Variants in BNC2 observed in about 807,000 individuals in gnomAD.
BNC2 encodes the protein basonuclin zinc finger protein 2.
A neutral mutation model predicts 76.3 loss-of-function variants in BNC2; 20 were observed. That is an observed-to-expected ratio of 0.26 (90% CI 0.18 to 0.38). BNC2 has a LOEUF of 0.38. BNC2 is among the 10% of genes least tolerant of loss of function. The pLI is 1.00. For missense variants in BNC2, 1,382 were observed against 1,399.8 expected (o/e 0.99, Z 0.20); for synonymous variants, 582 against 514.8 (o/e 1.13, Z -1.77).
intron 5 of BNC2, among the ~76,000 whole-genome samples, chr9:16,543,729 TGGGATTCAAAATCC>T (rs1818392615): frequency 6.6e-6 from 1 of 152,212 alleles, no homozygotes; most frequent in East Asian, 1.9e-4. Context: ...AGCTTTGGCA[TGGGATTCAAAATCC>T]CTGTATTCCA....
intron 5 of BNC2, among the ~76,000 whole-genome samples, chr9:16,454,318 T>A (rs1821402432): frequency 6.7e-6 from 1 of 150,340 alleles, no homozygotes; most frequent in Admixed American, 6.6e-5. Flanking sequence ...TTTTTTAATT[T>A]TAGAGAGAGG....
chr9:16,481,151 T>A (rs147449740), intron 5 of BNC2, among the ~76,000 whole-genome samples: 307 of 152,098 alleles, frequency 2.0e-3, no homozygotes, highest in African/African-American at 7.0e-3. Context: ...TGTATCTAAC[T>A]AATCTGATGG....
At chr9:16,655,506 T>A (rs1177897546) in intron 3 of BNC2, among the ~76,000 whole-genome samples, 2 of 151,898 alleles carry the variant, frequency 1.3e-5, no homozygotes, top group African/African-American at 4.8e-5. Context: ...ATCTGAAAAG[T>A]CTAAAAGGCC....
At chr9:16,459,591 G>C (rs915581368) in intron 5 of BNC2, among the ~76,000 whole-genome samples, 1 of 145,680 alleles carries the variant, frequency 6.9e-6, no homozygotes, top group Non-Finnish European at 1.6e-5. Context: ...TACACGGCAG[G>C]AGAATGGGGA....
At chr9:16,630,660 ATTT>A (rs1821133544) in intron 3 of BNC2, among the ~76,000 whole-genome samples, 1 of 151,738 alleles carries the variant, frequency 6.6e-6, no homozygotes, top group Non-Finnish European at 1.5e-5. Flanking sequence ...GAGAAATTTT[ATTT>A]TTAAGAAATC....
intron 1 of BNC2, among the ~76,000 whole-genome samples, chr9:16,821,918 C>A (rs1319172030): frequency 6.6e-6 from 1 of 151,862 alleles, no homozygotes; most frequent in East Asian, 1.9e-4. Flanking sequence ...ACGGTGAAAC[C>A]CTGTCTCTAC....
chr9:16,469,704 G>A (rs1423588173), intron 5 of BNC2, among the ~76,000 whole-genome samples: 1 of 152,182 alleles, frequency 6.6e-6, no homozygotes, highest in Non-Finnish European at 1.5e-5. Context: ...AGGAAAATGT[G>A]GAAGTTTGGA....
At position 16,835,821 on chromosome 9, in the gene BNC2, A is replaced by AT. The variant is rs1309648707; in HGVS notation, c.3+34824dup. Among the ~76,000 whole-genome samples the AT allele has an allele frequency of 5.3e-5, 8 of 152,326 alleles. No homozygotes were observed. The East Asian group carries it at 1.5e-3, about 29-fold the overall frequency. ...TTAACTCTCTTGCCAAGAAAAACAG[A>AT]TTTAAGTTAAAGAGGTTTTAGAAGA... On this transcript the variant is annotated intron_variant, in intron 1 of 6. Transcript: ENST00000380672.
chr9:16,504,724 A>G (rs1254041599), intron 5 of BNC2, among the ~76,000 whole-genome samples: 1 of 152,198 alleles, frequency 6.6e-6, no homozygotes, highest in Non-Finnish European at 1.5e-5. Context: ...GGACATGCCT[A>G]TAGTCCCAGC....
intron 1 of BNC2, among the ~76,000 whole-genome samples, chr9:16,843,752 G>A (rs573157835): frequency 6.6e-6 from 1 of 152,312 alleles, no homozygotes; most frequent in African/African-American, 2.4e-5. Context: ...GTGTGTGGAA[G>A]GAGAAGAGGT....
intron 3 of BNC2, chr9:16,685,758 G>T: frequency 2.3e-6 from 1 of 439,758 alleles, no homozygotes; most frequent in Non-Finnish European, 4.4e-6. Flanking sequence ...GGCTTGACAT[G>T]TATGTGACAC....
At chr9:16,749,872 A>G (rs1825135507) in intron 1 of BNC2, among the ~76,000 whole-genome samples, 1 of 152,222 alleles carries the variant, frequency 6.6e-6, no homozygotes, top group South Asian at 2.1e-4. Flanking sequence ...AACAGAAGTT[A>G]TGTTTCATCT....
chr9:16,608,795 T>C (rs1366741850), intron 3 of BNC2, among the ~76,000 whole-genome samples: 15 of 152,182 alleles, frequency 9.9e-5, no homozygotes, highest in Admixed American at 9.8e-4. Flanking sequence ...AGAGGTACTG[T>C]TTCCAAAGCC....
At chr9:16,525,842 T>C (rs1044781346) in intron 5 of BNC2, among the ~76,000 whole-genome samples, 2 of 152,218 alleles carry the variant, frequency 1.3e-5, no homozygotes, top group African/African-American at 4.8e-5. Context: ...TCTAGAACTA[T>C]ACCCCAATAT....
chr9:16,768,122 C>T (rs975621825), intron 1 of BNC2, among the ~76,000 whole-genome samples: 1 of 151,930 alleles, frequency 6.6e-6, no homozygotes, highest in East Asian at 1.9e-4. Context: ...CCCACCACCA[C>T]GCCTGGCTAA....
chr9:16,448,407 C>T (rs571131954), intron 5 of BNC2, among the ~76,000 whole-genome samples: 11 of 152,260 alleles, frequency 7.2e-5, no homozygotes, highest in African/African-American at 2.6e-4. Flanking sequence ...TTCAAGGCTA[C>T]AACCTCTTAT....
At chr9:16,501,072 G>A (rs115913554) in intron 5 of BNC2, among the ~76,000 whole-genome samples, 3,086 of 152,184 alleles carry the variant, frequency 0.02, 93 homozygotes, top group South Asian at 0.13. Context: ...AGTGATCTGC[G>A]TCTTAGTTTT....
chr9:16,459,007 C>CA (rs1235254959), intron 5 of BNC2, among the ~76,000 whole-genome samples: 2 of 152,208 alleles, frequency 1.3e-5, no homozygotes, highest in Non-Finnish European at 2.9e-5. Flanking sequence ...CCTTCCCCTT[C>CA]ACAAGGGTGA....
intron 3 of BNC2, among the ~76,000 whole-genome samples, chr9:16,643,999 A>G (rs937346497): frequency 6.6e-6 from 1 of 152,282 alleles, no homozygotes; most frequent in South Asian, 2.1e-4. Context: ...TACGCCTGTA[A>G]TAAGTACCCC....
Sources: gnomAD v4.1 joint callset for allele counts (sites outside exome capture counted in the v4.1 genomes callset) on GRCh38, gnomAD v4.1.1 for gene constraint, MANE v1.5 for transcripts, NCBI Gene and HGNC (gene_info 2026-07-23, HGNC 2026-07-21) for gene names.